The following ZNF385D variants were observed in gnomAD, a reference collection of about 807,000 sequenced individuals.
ZNF385D encodes the protein zinc finger protein 385D, also known as zinc finger protein 659.
Under a neutral mutation model 35.8 loss-of-function variants are expected in ZNF385D, and 15 were observed. The ratio of observed to expected loss-of-function variants is 0.42; its 90% CI spans 0.28 to 0.64. The LOEUF (loss-of-function observed/expected upper bound fraction) is 0.64. Among genes scored for constraint, ZNF385D ranks in the 30% least tolerant of loss-of-function variants. The pLI is 0.23. For synonymous variants in ZNF385D, 212 were observed against 186.8 expected, an observed-to-expected ratio of 1.13 and a Z score of -1.10; for missense variants, 474 against 494.6, an observed-to-expected ratio of 0.96 and a Z score of 0.39.
chr3:21,455,212 CT>C (rs1702719318), intron 4 of ZNF385D, among the ~76,000 whole-genome samples: 1 of 152,182 alleles, frequency 6.6e-6, no homozygotes, highest in Non-Finnish European at 1.5e-5. Context: ...AAATGACTTT[CT>C]TCATAGAATT....
chr3:22,204,838 C>T (rs543500257), intron 2 of ZNF385D, among the ~76,000 whole-genome samples: 76 of 151,568 alleles, frequency 5.0e-4, no homozygotes, highest in African/African-American at 1.8e-3. Flanking sequence ...GAATAAAGAA[C>T]AATGAAGCAT....
chr3:22,148,238 A>G (rs959726161), intron 3 of ZNF385D, among the ~76,000 whole-genome samples: 6 of 152,170 alleles, frequency 3.9e-5, no homozygotes, highest in African/African-American at 1.4e-4. Flanking sequence ...ATTAAGTACC[A>G]ATTTGCCAGA....
chr3:22,356,789 T>C (rs763610018), intron 2 of ZNF385D, among the ~76,000 whole-genome samples: 2 of 150,074 alleles, frequency 1.3e-5, no homozygotes, highest in Non-Finnish European at 2.9e-5. Context: ...GATAGAGTGA[T>C]AGAAAGATAG....
chr3:21,665,378 G>GCA (rs2066374171), intron 1 of ZNF385D, among the ~76,000 whole-genome samples: 4 of 152,256 alleles, frequency 2.6e-5, no homozygotes, highest in Admixed American at 2.6e-4. Context: ...CCTCCATCAT[G>GCA]CACCCATCCC....
chr3:22,110,240 G>C (rs1315295294), intron 3 of ZNF385D, among the ~76,000 whole-genome samples: 2 of 151,970 alleles, frequency 1.3e-5, no homozygotes, highest in Admixed American at 6.6e-5. Flanking sequence ...CGATTCCTCA[G>C]GGATCTAGAA....
At chr3:22,117,870 G>T (rs902989759) in intron 3 of ZNF385D, among the ~76,000 whole-genome samples, 2 of 151,910 alleles carry the variant, frequency 1.3e-5, no homozygotes, top group African/African-American at 4.8e-5. Context: ...ATCATTTAAA[G>T]GATTTGTGGA....
chr3:21,798,691 A>C (rs552360730), intron 3 of ZNF385D, among the ~76,000 whole-genome samples: 26 of 152,310 alleles, frequency 1.7e-4, no homozygotes, highest in African/African-American at 6.0e-4. Flanking sequence ...AGCTCATCAT[A>C]GTCACAGGTA....
chr3:22,019,067 T>TTTA (rs1697069433), intron 3 of ZNF385D, among the ~76,000 whole-genome samples: 1 of 125,266 alleles, frequency 8.0e-6, no homozygotes, highest in South Asian at 2.6e-4. Flanking sequence ...TTTTTTTTTT[T>TTTA]ATGAAGGAGG....
intron 1 of ZNF385D, among the ~76,000 whole-genome samples, chr3:21,742,901 A>T (rs2069586948): frequency 6.6e-6 from 1 of 152,188 alleles, no homozygotes; most frequent in Non-Finnish European, 1.5e-5. Flanking sequence ...CACTTTTCTC[A>T]ATTTTCATAC....
At chr3:21,542,432 C>T (rs183430717) in intron 3 of ZNF385D, among the ~76,000 whole-genome samples, 1 of 151,344 alleles carries the variant, frequency 6.6e-6, no homozygotes, top group African/African-American at 2.4e-5. Context: ...ATTGCAACCT[C>T]GAACCGCTGG....
chr3:21,970,929 GA>G (rs1313250731), intron 3 of ZNF385D, among the ~76,000 whole-genome samples: 14 of 146,720 alleles, frequency 9.5e-5, no homozygotes, highest in Admixed American at 4.1e-4. Flanking sequence ...AAGTGCAAAA[GA>G]AAAAAAAAAC....
intron 2 of ZNF385D, among the ~76,000 whole-genome samples, chr3:22,176,996 A>AT (rs907875103): frequency 6.6e-5 from 10 of 152,106 alleles, no homozygotes; most frequent in African/African-American, 2.2e-4. Flanking sequence ...CTATTATTAC[A>AT]TTTTTTTAGC....
intron 3 of ZNF385D, among the ~76,000 whole-genome samples, chr3:22,120,074 A>C (rs6781787): frequency 0.79 from 119,268 of 150,726 alleles, 47,461 homozygotes; most frequent in African/African-American, 0.88. Flanking sequence ...AAAGCACTCA[A>C]TTCATTCAAC....
chr3:21,928,038 A>G, intron 3 of ZNF385D, among the ~76,000 whole-genome samples: 1 of 152,080 alleles, frequency 6.6e-6, no homozygotes, highest in East Asian at 1.9e-4. Context: ...ACCCCAGGCA[A>G]CAGAGCAAGA....
chr3:22,333,376 T>C (rs960984180), intron 2 of ZNF385D, among the ~76,000 whole-genome samples: 3 of 152,214 alleles, frequency 2.0e-5, no homozygotes, highest in Non-Finnish European at 4.4e-5. Context: ...TTCACCGTAC[T>C]CTTTTTCTTC....
At chr3:21,832,083 ATT>A (rs1695029266) in intron 3 of ZNF385D, among the ~76,000 whole-genome samples, 2 of 30,336 alleles carry the variant, frequency 6.6e-5, no homozygotes, top group Non-Finnish European at 1.2e-4. Context: ...TGTTAAAATA[ATT>A]TGTTCACGTA....
Position 22,271,681 on chromosome 3 carries a change from C to G in ZNF385D, c.106+100769G>C, listed in dbSNP as rs577496572. Among the ~76,000 whole-genome samples, 28 of 151,862 alleles carry G rather than the reference C, an allele frequency of 1.8e-4. 1 individual carries two copies. The South Asian group carries it at 5.6e-3, about 31-fold the overall frequency. On this transcript the variant is annotated intron_variant, in intron 2 of 5. Coordinates refer to the ZNF385D transcript ENST00000494108. ...TGCTGTTCTTTAAGCTTAAAAAACT[C>G]CCCCCACCCTCTGCCTGTCTCCTTC...
chr3:21,670,096 A>C (rs1363936425), intron 1 of ZNF385D, among the ~76,000 whole-genome samples: 1 of 152,116 alleles, frequency 6.6e-6, no homozygotes, highest in Non-Finnish European at 1.5e-5. Context: ...TGCCACTGTT[A>C]AATATTCATG....
chr3:22,289,723 G>A (rs920665602), intron 2 of ZNF385D, among the ~76,000 whole-genome samples: 1 of 152,114 alleles, frequency 6.6e-6, no homozygotes, highest in African/African-American at 2.4e-5. Context: ...TGGGCTAGAA[G>A]GTTTAGGATA....
Sources: gnomAD v4.1 joint callset for allele counts (sites outside exome capture counted in the v4.1 genomes callset) on GRCh38, gnomAD v4.1.1 for gene constraint, MANE v1.5 for transcripts, NCBI Gene and HGNC (gene_info 2026-07-23, HGNC 2026-07-21) for gene names.